The following EIF3L variants were observed in gnomAD, a reference collection of about 807,000 sequenced individuals.
The protein encoded by EIF3L is eIEF associated protein HSPC021.
A neutral mutation model predicts 74.6 loss-of-function variants in EIF3L; 32 were observed. That is an observed-to-expected ratio of 0.43 (90% CI 0.32 to 0.58). The LOEUF (loss-of-function observed/expected upper bound fraction) is 0.58. Ranked by LOEUF, EIF3L falls within the 20% of genes least tolerant of loss-of-function variation. EIF3L has a pLI of 0.06. For missense variants in EIF3L, 474 were observed against 707.8 expected (o/e 0.67, Z 3.75); for synonymous variants, 256 against 254.4 (o/e 1.01, Z -0.06).
intron 10 of EIF3L, chr22:37,877,241 G>A (rs760723135): frequency 2.1e-4 from 37 of 172,408 alleles, no homozygotes; most frequent in Non-Finnish European, 4.2e-4. Context: ...AAAAATACAG[G>A]ATTATAATCT....
chr22:37,860,458 A>T (rs772023471), intron 5 of EIF3L, among the ~76,000 whole-genome samples: 9 of 152,086 alleles, frequency 5.9e-5, no homozygotes, highest in Non-Finnish European at 8.8e-5. Flanking sequence ...GGGCTCAAGC[A>T]ATTCTCCAGG....
At chr22:37,872,939 A>G (rs893436003) in intron 8 of EIF3L, among the ~76,000 whole-genome samples, 2 of 152,050 alleles carry the variant, frequency 1.3e-5, no homozygotes, top group African/African-American at 4.8e-5. Flanking sequence ...TTGAGGTATG[A>G]CAGGTTTACT....
chr22:37,854,110 G>T (rs1248812835), intron 3 of EIF3L, among the ~76,000 whole-genome samples: 3 of 152,198 alleles, frequency 2.0e-5, no homozygotes, highest in Non-Finnish European at 2.9e-5. Flanking sequence ...GGTGCCTTAA[G>T]AAGTATGTTT....
chr22:37,862,907 C>A, intron 5 of EIF3L, 62 bp from the exon 6 acceptor site: 1 of 1,259,484 alleles, frequency 7.9e-7, no homozygotes, highest in Non-Finnish European at 1.1e-6. Context: ...TCACAGTATA[C>A]CATGGGTAAA....
intron 7 of EIF3L, among the ~76,000 whole-genome samples, chr22:37,865,727 C>T (rs1926115331): frequency 6.6e-6 from 1 of 152,314 alleles, no homozygotes; most frequent in Middle Eastern, 3.4e-3. Context: ...TAGCAAAGGC[C>T]ACAAACCGTA....
intron 11 of EIF3L, chr22:37,879,740 T>A (rs1230708271): frequency 6.6e-6 from 1 of 152,166 alleles, no homozygotes; most frequent in Non-Finnish European, 1.5e-5. Flanking sequence ...ATTTTTTTAT[T>A]TTTAGTTAGC....
intron 10 of EIF3L, 125 bp downstream of exon 10, chr22:37,876,136 T>C: frequency 4.0e-6 from 4 of 1,003,354 alleles, no homozygotes; most frequent in Non-Finnish European, 5.8e-6. Flanking sequence ...TTCAAGACTG[T>C]AGAGCGCTCT....
At chr22:37,861,552 C>T (rs1274046583) in intron 5 of EIF3L, among the ~76,000 whole-genome samples, 2 of 152,016 alleles carry the variant, frequency 1.3e-5, no homozygotes, top group Admixed American at 6.6e-5. Flanking sequence ...GGCGTGGTGG[C>T]GTGTGCCTGT....
At chr22:37,874,897 T>TA (rs1378345982) in intron 9 of EIF3L, among the ~76,000 whole-genome samples, 1 of 129,614 alleles carries the variant, frequency 7.7e-6, no homozygotes, top group Non-Finnish European at 1.6e-5. Flanking sequence ...CCCAGCTAAT[T>TA]TTTTTTTTTT....
intron 3 of EIF3L, 104 bp downstream of exon 3, chr22:37,851,594 GTT>G: frequency 2.0e-6 from 1 of 498,586 alleles, no homozygotes; most frequent in Non-Finnish European, 3.5e-6. Context: ...TTTCGGGGGG[GTT>G]GGGGGGTGGG....
chr22:37,878,954 T>TG (rs914946552), intron 11 of EIF3L: 3 of 150,120 alleles, frequency 2.0e-5, no homozygotes, highest in African/African-American at 7.3e-5. Context: ...TGGTTTTTTT[T>TG]TTTTTTTTTT....
intron 11 of EIF3L, chr22:37,881,678 G>A (rs957750284): frequency 6.6e-6 from 1 of 152,166 alleles, no homozygotes; most frequent in Non-Finnish European, 1.5e-5. Flanking sequence ...CAAAGTGCTG[G>A]GGTTACAGAC....
At chr22:37,881,245 T>C (rs763807395) in intron 11 of EIF3L, 1 of 152,060 alleles carries the variant, frequency 6.6e-6, no homozygotes, top group African/African-American at 2.4e-5. Flanking sequence ...TTTTTATTTA[T>C]TTATTTAGAG....
rs370409428 is a variant in EIF3L at position 37,851,593 on chromosome 22, G to A, written c.293+103G>A. The A allele has an allele frequency of 1.2e-5, 8 of 695,198 alleles. No homozygotes were observed. In the African/African-American group the frequency reaches 1.5e-4, roughly 13 times the overall value. 43.1% of individuals were successfully genotyped at this position (695,198 alleles called of 1,614,324 possible). A position where few individuals can be genotyped will look rare whatever the true frequency, so the allele number is the denominator to read the frequency against. On this transcript the variant is annotated intron_variant, in intron 3 of 12. Transcript: ENST00000652021. ...ACTCTGTAAACAGTACTTTCGGGGG[G>A]GTTGGGGGGTGGGGGTCTTTGTGAG...
At chr22:37,882,715 A>T (rs1396947688) in intron 11 of EIF3L, 2 of 151,538 alleles carry the variant, frequency 1.3e-5, no homozygotes, top group Admixed American at 6.6e-5. Context: ...CATAATTTGC[A>T]TGATAAGCCG....
intron 12 of EIF3L, 200 bp downstream of exon 12, chr22:37,887,045 C>G (rs974589958): frequency 2.5e-6 from 1 of 402,254 alleles, no homozygotes; most frequent in East Asian, 6.4e-5. Context: ...TCTCCCTCCT[C>G]AGCCTCCCGC....
In EIF3L at chr22:37,886,764, G is replaced by T; in HGVS notation, c.1576-1G>T. On this transcript the variant is annotated splice_acceptor_variant, in intron 11 of 12. Coordinates refer to ENST00000652021, the MANE Select transcript of EIF3L (RefSeq NM_016091.4). LOFTEE classifies it high-confidence loss of function. The stretch of plus-strand genomic sequence containing the variant: ...TTCCCTGACTGTGCTTTCCCCCACA[G>T]GACATGATCCACATCGCGGACACCA... The T allele has an allele frequency of 1.2e-6, 2 of 1,607,918 alleles. No homozygotes were observed. The highest frequency in any genetic ancestry group is 1.7e-6 in the Non-Finnish European group (2 of 1,176,024).
intron 6 of EIF3L, 114 bp from the exon 7 acceptor site, chr22:37,863,158 G>T: frequency 1.7e-6 from 2 of 1,183,464 alleles, no homozygotes; most frequent in Non-Finnish European, 2.4e-6. Context: ...TGGGAAGAGG[G>T]GAGGTCTTGT....
rs1601788069 is a variant in EIF3L, at chr22:37,886,681, C to G, written c.1576-84C>G. 3 of 1,173,866 alleles carry G rather than the reference C, an allele frequency of 2.6e-6. No homozygotes were observed. In the East Asian group the frequency reaches 7.5e-5, roughly 29 times the overall value. The allele number at this position is 1,173,866 out of a possible 1,614,324, so 72.7% of individuals were successfully genotyped here. A position where few individuals can be genotyped will look rare whatever the true frequency, so the allele number is the denominator to read the frequency against. On this transcript the variant is annotated intron_variant, in intron 11 of 12. Coordinates refer to ENST00000652021, the MANE Select transcript of EIF3L (RefSeq NM_016091.4). ...CATCTAACACTCACCATCATTATCA[C>G]TTGCAAGTCCATGGTGGCTCCTGGG... is the stretch of plus-strand genomic sequence containing the variant.
Sources: allele counts gnomAD v4.1 joint callset (sites outside exome capture counted in the v4.1 genomes callset), GRCh38; gene constraint gnomAD v4.1.1; transcripts MANE v1.5; gene names NCBI Gene and HGNC (gene_info 2026-07-23, HGNC 2026-07-21).